The following PCDH15 variants were observed in gnomAD, a reference collection of about 807,000 sequenced individuals.
PCDH15 encodes protocadherin-15.
In PCDH15, 129 loss-of-function variants were observed where a neutral mutation model predicts 178.5. That is an observed-to-expected ratio of 0.72 (90% CI 0.63 to 0.84). PCDH15 has a LOEUF of 0.84. Among genes scored for constraint, PCDH15 ranks in the 40% least tolerant of loss-of-function variants. The pLI is 0.00. For synonymous variants in PCDH15, 800 were observed against 732.0 expected, an observed-to-expected ratio of 1.09 and a Z score of -1.50; for missense variants, 2,230 against 2,099.9, an observed-to-expected ratio of 1.06 and a Z score of -1.21.
intron 3 of PCDH15, among the ~76,000 whole-genome samples, chr10:54,503,899 C>T (rs1420316689): frequency 4.6e-5 from 7 of 151,998 alleles, no homozygotes; most frequent in Non-Finnish European, 8.8e-5. Context: ...AAACAGGATC[C>T]CAACAACTTG....
chr10:55,419,838 T>A (rs1838577082), intron 2 of PCDH15, among the ~76,000 whole-genome samples: 1 of 151,666 alleles, frequency 6.6e-6, no homozygotes, highest in African/African-American at 2.4e-5. Flanking sequence ...TAGTGCATTT[T>A]ATTGGGGGAA....
intron 1 of PCDH15, among the ~76,000 whole-genome samples, chr10:55,211,321 T>C (rs945222630): frequency 6.6e-6 from 1 of 152,130 alleles, no homozygotes; most frequent in Non-Finnish European, 1.5e-5. Context: ...AGCCAGTAAA[T>C]AGCCAATGTA....
At chr10:54,841,885 C>T (rs1953424944) in intron 3 of PCDH15, among the ~76,000 whole-genome samples, 1 of 151,648 alleles carries the variant, frequency 6.6e-6, no homozygotes, top group Admixed American at 6.6e-5. Flanking sequence ...GCATATGTGC[C>T]TATAGTGATG....
intron 8 of PCDH15, 62 bp from the exon 9 acceptor site, chr10:54,236,993 G>A: frequency 7.3e-7 from 1 of 1,361,214 alleles, no homozygotes; most frequent in Non-Finnish European, 1.1e-6. Context: ...GAAGGATTGA[G>A]ACAGATGCTT....
At chr10:54,880,140 A>C (rs1428544539) in intron 3 of PCDH15, among the ~76,000 whole-genome samples, 1 of 152,156 alleles carries the variant, frequency 6.6e-6, no homozygotes, top group African/African-American at 2.4e-5. Context: ...ATCATCATCA[A>C]CTACAGCTAA....
At chr10:54,716,915 T>TA in intron 1 of PCDH15, among the ~76,000 whole-genome samples, 1 of 146,944 alleles carries the variant, frequency 6.8e-6, no homozygotes, top group East Asian at 2.0e-4. Context: ...AACAGAGATA[T>TA]AAATCAATGG....
chr10:53,964,819 T>C (rs1564877720), intron 21 of PCDH15, among the ~76,000 whole-genome samples: 1 of 152,150 alleles, frequency 6.6e-6, no homozygotes, highest in African/African-American at 2.4e-5. Flanking sequence ...TATAATCATA[T>C]ACAATGGCAA....
chr10:53,819,250 AT>A (rs1588911780), intron 33 of PCDH15, among the ~76,000 whole-genome samples: 1 of 151,998 alleles, frequency 6.6e-6, no homozygotes, highest in South Asian at 2.1e-4. Context: ...GCCAGGCTTT[AT>A]TTTTTAGACG....
intron 15 of PCDH15, among the ~76,000 whole-genome samples, chr10:54,106,583 C>A (rs1413506851): frequency 6.6e-6 from 1 of 152,178 alleles, no homozygotes; most frequent in East Asian, 1.9e-4. Flanking sequence ...GGAAAGCATT[C>A]CTCCTGTTAC....
chr10:54,035,130 A>G (rs1321723696), intron 18 of PCDH15, among the ~76,000 whole-genome samples: 1 of 151,984 alleles, frequency 6.6e-6, no homozygotes, highest in East Asian at 1.9e-4. Context: ...TTATTTATGG[A>G]GTGTAACTGT....
At chr10:55,341,791 ATATATATATATATATTTTTTTTTTTTTTT>A (rs1400080114) in intron 2 of PCDH15, among the ~76,000 whole-genome samples, 135 of 13,460 alleles carry the variant, frequency 0.01, 2 homozygotes, top group Non-Finnish European at 0.016. Flanking sequence ...ATATATATAT[ATATATATATATATATTTTTTTTTTTTTTT>A]TTTTTTTTTT....
intron 2 of PCDH15, among the ~76,000 whole-genome samples, chr10:55,112,213 G>A (rs547558083): frequency 1.3e-5 from 2 of 152,086 alleles, no homozygotes; most frequent in Non-Finnish European, 2.9e-5. Context: ...TTAGGAGGGT[G>A]GGGCTTTTGA....
chr10:55,064,308 A>G (rs1341003043), intron 2 of PCDH15, among the ~76,000 whole-genome samples: 3 of 152,124 alleles, frequency 2.0e-5, no homozygotes, highest in African/African-American at 7.2e-5. Flanking sequence ...AAATAACTTA[A>G]TTGATTGACA....
rs541241093 is a variant in PCDH15 at position 55,261,849 on chromosome 10, C to T, written c.-156+57750G>A. Among the ~76,000 whole-genome samples, 122 of 152,150 alleles carry T rather than the reference C, an allele frequency of 8.0e-4. 2 individuals are homozygous for T. The South Asian group carries it at 0.024, about 30-fold the overall frequency. On this transcript the variant is annotated intron_variant, in intron 1 of 5. Coordinates refer to the PCDH15 transcript ENST00000458638. Reference sequence around the variant, plus strand: ...ATTCACTATTAGATTGTCTGTTATTCCCTTGGAGTCAATGATTAAAAGCCA... The same window carrying T: ...ATTCACTATTAGATTGTCTGTTATTTCCTTGGAGTCAATGATTAAAAGCCA...
intron 3 of PCDH15, among the ~76,000 whole-genome samples, chr10:54,388,924 C>T (rs1344948649): frequency 6.6e-6 from 1 of 152,060 alleles, no homozygotes; most frequent in African/African-American, 2.4e-5. Context: ...GGAATGATAC[C>T]ATAATAGGGA....
chr10:54,285,791 C>T (rs1479903247), intron 8 of PCDH15, among the ~76,000 whole-genome samples: 1 of 152,096 alleles, frequency 6.6e-6, no homozygotes, highest in East Asian at 1.9e-4. Context: ...GCACTATTCA[C>T]AATAGCCAAG....
intron 2 of PCDH15, among the ~76,000 whole-genome samples, chr10:55,056,519 C>T (rs981930507): frequency 1.4e-5 from 1 of 70,082 alleles, no homozygotes; most frequent in African/African-American, 8.6e-5. Context: ...ACTTCAAAAT[C>T]TAAGTTTCCA....
intron 20 of PCDH15, among the ~76,000 whole-genome samples, chr10:53,998,759 A>T (rs2091975525): frequency 6.6e-6 from 1 of 152,174 alleles, no homozygotes; most frequent in Non-Finnish European, 1.5e-5. Context: ...TCTTTTTAAA[A>T]ATAACGTGTA....
intron 23 of PCDH15, among the ~76,000 whole-genome samples, chr10:53,952,961 A>G (rs1371062763): frequency 1.3e-5 from 2 of 152,236 alleles, no homozygotes; most frequent in Non-Finnish European, 2.9e-5. Context: ...GGGAGAACAC[A>G]CTTTGAGCAT....
Sources: gnomAD v4.1 joint callset for allele counts (sites outside exome capture counted in the v4.1 genomes callset) on GRCh38, gnomAD v4.1.1 for gene constraint, MANE v1.5 for transcripts, NCBI Gene and HGNC (gene_info 2026-07-23, HGNC 2026-07-21) for gene names.